NR5A2: variants seen among roughly 807,000 people sequenced by gnomAD.
NR5A2 encodes the protein nuclear receptor subfamily 5 group A member 2, also known as CYP7A promoter-binding factor.
Under a neutral mutation model 62.7 loss-of-function variants are expected in NR5A2, and 26 were observed. That is an observed-to-expected ratio of 0.41 (90% confidence interval 0.30 to 0.58). NR5A2 has a LOEUF of 0.58. Ranked by LOEUF, NR5A2 falls within the 20% of genes least tolerant of loss-of-function variation. NR5A2 has a pLI of 0.22. For synonymous variants in NR5A2, 246 were observed against 241.7 expected (o/e 1.02, Z -0.16); for missense variants, 541 against 669.1 (o/e 0.81, Z 2.11).
chr1:200,103,122 CTTTTT>C (rs10655211), intron 5 of NR5A2, among the ~76,000 whole-genome samples: 1 of 106,648 alleles, frequency 9.4e-6, no homozygotes. Flanking sequence ...ATGTAAAACT[CTTTTT>C]TTTTTTTTTT....
chr1:200,120,936 C>T lies in NR5A2; in HGVS notation c.1359C>T (p.Phe453=), dbSNP rs200672188. 12 of 1,613,766 alleles carry T rather than the reference C, an allele frequency of 7.4e-6. No individual in the cohort carries two copies. The highest frequency in any genetic ancestry group is 2.2e-5 in the East Asian group (1 of 44,858). ...AACGAGAGTTCGTATGTCTGAAATTCTTGGTGCTCTTTAGTTTAGGTAAGA... is the reference window on the plus strand; with the variant it reads ...AACGAGAGTTCGTATGTCTGAAATTTTTGGTGCTCTTTAGTTTAGGTAAGA... ...FDQREFVCLK[F]LVLFSLDVKN... Residue 453 remains phenylalanine, a synonymous_variant, in exon 7 of 8, where the codon TTC becomes TTT. Coordinates refer to ENST00000367362, the MANE Select transcript of NR5A2 (RefSeq NM_205860.3).
chr1:200,093,816 G>T (rs774197775), intron 5 of NR5A2, among the ~76,000 whole-genome samples: 1 of 152,088 alleles, frequency 6.6e-6, no homozygotes, highest in African/African-American at 2.4e-5. Flanking sequence ...CCAAACTTTC[G>T]CAAAATTGAA....
At chr1:200,103,122 C>CTTT (rs10655211) in intron 5 of NR5A2, among the ~76,000 whole-genome samples, 26,086 of 106,190 alleles carry the variant, frequency 0.25, 3,861 homozygotes, top group Non-Finnish European at 0.26. Context: ...ATGTAAAACT[C>CTTT]TTTTTTTTTT....
chr1:200,053,284 T>C (rs1418274640), intron 5 of NR5A2, among the ~76,000 whole-genome samples: 1 of 152,124 alleles, frequency 6.6e-6, no homozygotes, highest in Non-Finnish European at 1.5e-5. Flanking sequence ...AAATAATGGC[T>C]TGAGAAAGAT....
At chr1:200,079,170 C>G (rs1664175735) in intron 5 of NR5A2, among the ~76,000 whole-genome samples, 2 of 152,102 alleles carry the variant, frequency 1.3e-5, no homozygotes, top group African/African-American at 4.8e-5. Context: ...AGGGGAAATC[C>G]TTGGATACCA....
intron 5 of NR5A2, among the ~76,000 whole-genome samples, chr1:200,070,202 G>A (rs1663673571): frequency 6.6e-6 from 1 of 152,124 alleles, no homozygotes; most frequent in African/African-American, 2.4e-5. Context: ...GTCAGTATAT[G>A]TTAGTTAAAT....
At chr1:200,038,837 G>A in intron 1 of NR5A2, 2 of 1,105,724 alleles carry the variant, frequency 1.8e-6, no homozygotes, top group South Asian at 1.5e-5. Flanking sequence ...GGGGTGAGGC[G>A]GGGTGAAGAG....
chr1:200,135,286 C>G (rs926046779), intron 7 of NR5A2, among the ~76,000 whole-genome samples: 3 of 152,202 alleles, frequency 2.0e-5, no homozygotes, highest in East Asian at 1.9e-4. Flanking sequence ...TTTGGGAGGC[C>G]GAGGCAGGTG....
rs778793999 is a variant in NR5A2, at chr1:200,120,861, G to A, written c.1284G>A (p.Met428Ile). The A allele has an allele frequency of 1.9e-6, 3 of 1,604,550 alleles. No individual in the cohort carries two copies. The South Asian group carries it at 3.4e-5, about 18-fold the overall frequency. Residue 428 changes from methionine (M) to isoleucine (I), a missense_variant, in exon 7 of 8, where the codon ATG becomes ATA. Physicochemically the swap from Met to Ile is conservative, Grantham distance 10 (BLOSUM62 1). This residue lies in a region of NR5A2 where 379 missense variants were observed against 442.0 expected (regional missense o/e 0.86). Transcript: ENST00000367362. The part of the protein sequence containing the change: ...SQAGATLNNL[M>I]SHAQELVAKL... ...CCGGAGCCACCCTCAACAACCTCATGAGTCATGCACAGGAGTTAGTGGCAA... is the reference window on the plus strand; with the variant it reads ...CCGGAGCCACCCTCAACAACCTCATAAGTCATGCACAGGAGTTAGTGGCAA...
intron 5 of NR5A2, among the ~76,000 whole-genome samples, chr1:200,103,647 G>A (rs1436587135): frequency 6.6e-6 from 1 of 152,090 alleles, no homozygotes; most frequent in Non-Finnish European, 1.5e-5. Context: ...ATATTTACAT[G>A]TCACAGCAGT....
At chr1:200,102,365 G>A (rs1665417721) in intron 5 of NR5A2, among the ~76,000 whole-genome samples, 2 of 152,122 alleles carry the variant, frequency 1.3e-5, no homozygotes, top group African/African-American at 4.8e-5. Flanking sequence ...TTTCTTTAGC[G>A]GTTCCTGAAG....
intron 5 of NR5A2, among the ~76,000 whole-genome samples, chr1:200,052,807 AT>A (rs199713833): frequency 1.4e-4 from 21 of 152,034 alleles, no homozygotes; most frequent in East Asian, 5.8e-4. Flanking sequence ...ACGCCGGCTA[AT>A]TTTTTGTATT....
intron 1 of NR5A2, among the ~76,000 whole-genome samples, chr1:200,035,395 T>C (rs2821359): frequency 0.34 from 51,572 of 151,978 alleles, 12,246 homozygotes; most frequent in African/African-American, 0.68. Context: ...CCCAGGAAAC[T>C]TGAACCGCTC....
intron 5 of NR5A2, among the ~76,000 whole-genome samples, chr1:200,102,869 C>G (rs1056565309): frequency 6.6e-6 from 1 of 152,210 alleles, no homozygotes; most frequent in African/African-American, 2.4e-5. Context: ...GGGAAGACTT[C>G]CTGAAGGAGG....
At chr1:200,097,946 T>C (rs1373459808) in intron 5 of NR5A2, among the ~76,000 whole-genome samples, 3 of 152,248 alleles carry the variant, frequency 2.0e-5, no homozygotes, top group African/African-American at 7.2e-5. Context: ...CTAGCTAATG[T>C]GATTCTGATT....
In NR5A2 at chr1:200,043,788, A is replaced by G. The variant is rs752758558; in HGVS notation, c.217A>G (p.Met73Val). The G allele has an allele frequency of 2.5e-6, 4 of 1,609,770 alleles. No individual in the cohort carries two copies. Among genetic ancestry groups the G allele is most frequent in the Non-Finnish European group, 2.5e-6 (3 of 1,176,634 alleles). ...TTTTGTTTCAGTGTCTCAATTTAAA[A>G]TGGTGAATTACTCCTATGATGAAGA... Reference protein sequence around the residue: ...PENMQVSQFKMVNYSYDEDLE... With the variant: ...PENMQVSQFKVVNYSYDEDLE... Residue 73 changes from methionine to valine, a missense_variant, in exon 3 of 8, where the codon ATG becomes GTG. By Grantham distance (21) the Met-to-Val change is conservative (BLOSUM62 1). This residue lies in a region of NR5A2 where 108 missense variants were observed against 103.3 expected (regional missense o/e 1.05). Coordinates refer to ENST00000367362, the MANE Select transcript of NR5A2 (RefSeq NM_205860.3).
At chr1:200,136,305 G>A (rs908755067) in intron 7 of NR5A2, among the ~76,000 whole-genome samples, 17 of 151,650 alleles carry the variant, frequency 1.1e-4, no homozygotes, top group Admixed American at 7.9e-4. Context: ...CGCAACCTCC[G>A]CTTCCTGGGT....
At chr1:200,049,351 C>G (rs954650779) in intron 5 of NR5A2, among the ~76,000 whole-genome samples, 1 of 152,024 alleles carries the variant, frequency 6.6e-6, no homozygotes, top group African/African-American at 2.4e-5. Context: ...TTGGTAAAGC[C>G]TTTGTTTTCG....
At chr1:200,058,768 C>T (rs561659879) in intron 5 of NR5A2, among the ~76,000 whole-genome samples, 94 of 150,114 alleles carry the variant, frequency 6.3e-4, no homozygotes, top group African/African-American at 1.9e-3. Context: ...CATGAACCAC[C>T]GCGCTGGGCT....
Sources: allele counts gnomAD v4.1 joint callset (sites outside exome capture counted in the v4.1 genomes callset), GRCh38; gene constraint gnomAD v4.1.1; regional missense constraint gnomAD v4.1.1; transcripts MANE v1.5; gene names NCBI Gene and HGNC (gene_info 2026-07-23, HGNC 2026-07-21).